Variants in L2HGDH observed in about 807,000 individuals in gnomAD.
The protein encoded by L2HGDH is L-2-hydroxyglutarate dehydrogenase, mitochondrial.
In L2HGDH, 34 loss-of-function variants were observed where a neutral mutation model predicts 51.5. The observed-to-expected ratio is 0.66, with a 90% CI of 0.50 to 0.88. The LOEUF is 0.88. Among genes scored for constraint, L2HGDH ranks in the 40% least tolerant of loss-of-function variants. L2HGDH has a pLI of 0.00. For synonymous variants in L2HGDH, 198 were observed against 197.9 expected, an observed-to-expected ratio of 1.00 and a Z score of -0.01; for missense variants, 558 against 571.9, an observed-to-expected ratio of 0.98 and a Z score of 0.25.
At chr14:50,264,145 T>C (rs1241459004) in intron 9 of L2HGDH, among the ~76,000 whole-genome samples, 2 of 150,790 alleles carry the variant, frequency 1.3e-5, no homozygotes, top group Non-Finnish European at 3.0e-5. Context: ...TTTGGGAGGC[T>C]GAGGCGTGTG....
rs1005366926 is a variant in L2HGDH, at chr14:50,256,173, T to C, written c.1197-8920A>G. On this transcript the variant is annotated intron_variant, in intron 9 of 9. Coordinates refer to ENST00000267436, the MANE Select transcript of L2HGDH (RefSeq NM_024884.3). The stretch of plus-strand genomic sequence containing the variant: ...ACAGGCATCTTCAGCCAGTTCCAAA[T>C]ACAATGAGACAATCTAGTATTTTAT... 3.9e-5 allele frequency among the ~76,000 whole-genome samples: 6 copies of C among 152,160 alleles called. 1 individual carries two copies. Among genetic ancestry groups the C allele is most frequent in the African/African-American group, 1.4e-4 (6 of 41,522 alleles).
chr14:50,298,885 TAGA>T (rs775810609), intron 3 of L2HGDH, among the ~76,000 whole-genome samples: 10 of 152,118 alleles, frequency 6.6e-5, no homozygotes, highest in South Asian at 4.2e-4. Context: ...ATCAAAAAAG[TAGA>T]AGAACTTCAT....
chr14:50,245,919 CG>C lies in L2HGDH; in HGVS notation c.*1138del, dbSNP rs932658273. ...GGTGGATCACCTGAGGTCAGGAATT[CG>C]AGACCAGCCTGGCCAACATGGCAAA... is the stretch of plus-strand genomic sequence containing the variant. On this transcript the variant is annotated 3_prime_UTR_variant, in exon 10 of 10. Coordinates refer to ENST00000267436, the MANE Select transcript of L2HGDH (RefSeq NM_024884.3). 4 of 556,054 alleles carry C rather than the reference CG, an allele frequency of 7.2e-6. No homozygotes were observed. Among genetic ancestry groups the C allele is most frequent in the African/African-American group, 2.0e-5 (1 of 48,790 alleles). The allele number at this position is 556,054 out of a possible 1,614,324, so 34.4% of individuals were successfully genotyped here.
At chr14:50,280,569 A>G (rs376397983) in intron 5 of L2HGDH, among the ~76,000 whole-genome samples, 1 of 152,226 alleles carries the variant, frequency 6.6e-6, no homozygotes, top group South Asian at 2.1e-4. Flanking sequence ...CCTACTGACT[A>G]CGTTTGCCAT....
chr14:50,288,783 T>C (rs1368401328), intron 4 of L2HGDH, among the ~76,000 whole-genome samples: 1 of 152,152 alleles, frequency 6.6e-6, no homozygotes, highest in Non-Finnish European at 1.5e-5. Context: ...CTGCTTTTTG[T>C]TCTCTGTTTC....
chr14:50,305,685 C>T (rs8018446), intron 1 of L2HGDH, among the ~76,000 whole-genome samples: 87,399 of 151,972 alleles, frequency 0.58, 25,131 homozygotes, highest in East Asian at 0.66. Context: ...GTTCAAAACA[C>T]TTACAAATAC....
intron 4 of L2HGDH, among the ~76,000 whole-genome samples, chr14:50,284,844 TGTG>T (rs1309441779): frequency 6.6e-6 from 1 of 152,254 alleles, no homozygotes; most frequent in African/African-American, 2.4e-5. Context: ...GCATTATTGT[TGTG>T]GTGGTTTTAA....
chr14:50,245,559 T>C lies in L2HGDH; in HGVS notation c.*1499A>G, dbSNP rs190521927. The C allele has an allele frequency of 1.0e-6, 1 of 967,130 alleles. No homozygotes were observed. The highest frequency in any genetic ancestry group is 6.2e-5 in the Admixed American group (1 of 16,236). 59.9% of individuals were successfully genotyped at this position (967,130 alleles called of 1,614,324 possible). On this transcript the variant is annotated 3_prime_UTR_variant, in exon 10 of 10. Coordinates refer to ENST00000267436, the MANE Select transcript of L2HGDH (RefSeq NM_024884.3). ...ACTACTCAAAAATGTAAATTTTATG[T>C]ATTTTCTTGAAATCATGAATTTTTA...
intron 3 of L2HGDH, among the ~76,000 whole-genome samples, chr14:50,297,696 T>A (rs564711927): frequency 6.6e-6 from 1 of 152,336 alleles, no homozygotes; most frequent in African/African-American, 2.4e-5. Context: ...AAATTTTTTT[T>A]AAATGAAATT....
intron 9 of L2HGDH, among the ~76,000 whole-genome samples, chr14:50,258,667 C>T (rs887350209): frequency 6.6e-6 from 1 of 151,886 alleles, no homozygotes; most frequent in Non-Finnish European, 1.5e-5. Flanking sequence ...GAACATGCCA[C>T]CACACCCAGC....
rs11848940 is a variant in L2HGDH, at chr14:50,243,665, A to T, written c.*3393T>A. ...TCATTTTTATTTTTCAGGGTATTTT[A>T]TATATATATATATATATATATTGTT... On this transcript the variant is annotated 3_prime_UTR_variant, in exon 10 of 10. Transcript: ENST00000267436. 4,553 of 35,784 alleles carry T rather than the reference A, an allele frequency of 0.13. 241 individuals carry two copies. Among genetic ancestry groups the T allele is most frequent in the African/African-American group, 0.48 (4,082 of 8,534 alleles). The allele number at this position is 35,784 out of a possible 1,614,324, so 2.2% of individuals were successfully genotyped here. A position where few individuals can be genotyped will look rare whatever the true frequency, so the allele number is the denominator to read the frequency against.
chr14:50,273,400 C>G (rs1177998262), intron 6 of L2HGDH, among the ~76,000 whole-genome samples: 1 of 152,138 alleles, frequency 6.6e-6, no homozygotes, highest in African/African-American at 2.4e-5. Flanking sequence ...TGGATAGCCC[C>G]ATGCAAAAGA....
intron 9 of L2HGDH, among the ~76,000 whole-genome samples, chr14:50,257,584 T>C (rs897125515): frequency 1.3e-5 from 2 of 152,056 alleles, no homozygotes. Context: ...TTGCCTAGGC[T>C]GGTCTTGAAC....
intron 4 of L2HGDH, among the ~76,000 whole-genome samples, chr14:50,289,411 C>T (rs952085906): frequency 1.3e-5 from 2 of 151,830 alleles, no homozygotes; most frequent in Non-Finnish European, 2.9e-5. Context: ...ATCTATTATC[C>T]TGTTTCTTAT....
At chr14:50,282,307 A>G in intron 5 of L2HGDH, 1 of 379,964 alleles carries the variant, frequency 2.6e-6, no homozygotes. Flanking sequence ...ACCCTTTCCT[A>G]GACCTCCCCT....
In L2HGDH at chr14:50,290,548, G is replaced by T. The variant is rs555430740; in HGVS notation, c.540+3567C>A. On this transcript the variant is annotated intron_variant, in intron 4 of 9. Coordinates refer to ENST00000267436, the MANE Select transcript of L2HGDH (RefSeq NM_024884.3). ...AATATTTTTGACTATCTAGGCTTATGATCTCTGTTGCAACTACTCAATGAG... is the reference window on the plus strand; with the variant it reads ...AATATTTTTGACTATCTAGGCTTATTATCTCTGTTGCAACTACTCAATGAG... Among the ~76,000 whole-genome samples, 4 of 152,328 alleles carry T rather than the reference G, an allele frequency of 2.6e-5. No individual in the cohort carries two copies. The East Asian group carries it at 7.7e-4, about 29-fold the overall frequency.
chr14:50,309,633 A>C (rs1363588278), intron 1 of L2HGDH, among the ~76,000 whole-genome samples: 1 of 152,090 alleles, frequency 6.6e-6, no homozygotes, highest in East Asian at 1.9e-4. Flanking sequence ...GTGAATATAA[A>C]GAGATAGGTA....
rs773175692 is a variant in L2HGDH at position 50,267,942 on chromosome 14, A to T, written c.907-32T>A. The T allele has an allele frequency of 5.0e-6, 8 of 1,599,336 alleles. No individual in the cohort carries two copies. In the Admixed American group the frequency reaches 1.0e-4, roughly 20 times the overall value. The stretch of plus-strand genomic sequence containing the variant: ...ATTTAACATAGTAAATAACAGCCTC[A>T]TTTCACATTCCATGTTATCAGAGAT... On this transcript the variant is annotated intron_variant, in intron 7 of 9. Coordinates refer to ENST00000267436, the MANE Select transcript of L2HGDH (RefSeq NM_024884.3).
chr14:50,255,806 T>A (rs1248372044), intron 9 of L2HGDH, among the ~76,000 whole-genome samples: 1 of 151,978 alleles, frequency 6.6e-6, no homozygotes, highest in Admixed American at 6.6e-5. Flanking sequence ...GAGGGGTGGA[T>A]CGCTTGAGGT....
Sources: gnomAD v4.1 joint callset for allele counts (sites outside exome capture counted in the v4.1 genomes callset) on GRCh38, gnomAD v4.1.1 for gene constraint, MANE v1.5 for transcripts, NCBI Gene and HGNC (gene_info 2026-07-23, HGNC 2026-07-21) for gene names.